Variants in TCEA1 observed in about 807,000 individuals in gnomAD.
TCEA1 encodes transcription elongation factor A1, also known as transcription elongation factor A protein 1.
In TCEA1, 21 loss-of-function variants were observed where a neutral mutation model predicts 43.8. The observed-to-expected ratio is 0.48, with a 90% CI of 0.34 to 0.69. The LOEUF is 0.69. Among genes scored for constraint, TCEA1 ranks in the 30% least tolerant of loss-of-function variants. The pLI is 0.01. For missense variants in TCEA1, 250 were observed against 365.1 expected (o/e 0.68, Z 2.57); for synonymous variants, 104 against 117.5 (o/e 0.88, Z 0.75).
intron 8 of TCEA1, among the ~76,000 whole-genome samples, chr8:53,976,051 G>T (rs1275403664): frequency 6.6e-6 from 1 of 152,072 alleles, no homozygotes; most frequent in Non-Finnish European, 1.5e-5. Context: ...AAACAGAAAG[G>T]TTATTTCTCT....
At chr8:53,980,918 TAA>T (rs1326618613) in intron 7 of TCEA1, among the ~76,000 whole-genome samples, 15 of 152,308 alleles carry the variant, frequency 9.8e-5, no homozygotes, top group Admixed American at 3.9e-4. Flanking sequence ...TGATGGAAAT[TAA>T]AAGTGCTACT....
At chr8:53,974,335 A>G (rs1803259163) in intron 8 of TCEA1, 1 of 152,284 alleles carries the variant, frequency 6.6e-6, no homozygotes, top group African/African-American at 2.4e-5. Context: ...TAAACATAGT[A>G]AAATTTTTCT....
chr8:54,004,342 A>G (rs1303521269), intron 2 of TCEA1, among the ~76,000 whole-genome samples: 2 of 152,262 alleles, frequency 1.3e-5, no homozygotes, highest in East Asian at 3.8e-4. Context: ...AAACACGCAT[A>G]GCAGTGTGAT....
intron 1 of TCEA1, among the ~76,000 whole-genome samples, chr8:54,018,694 G>C (rs1804922143): frequency 6.6e-6 from 1 of 152,138 alleles, no homozygotes; most frequent in African/African-American, 2.4e-5. Context: ...GGTTCACTGT[G>C]GCTTGGTCAT....
Position 54,022,134 on chromosome 8 carries a change from C to T in TCEA1, c.-9G>A, listed in dbSNP as rs1178218246. 10 of 1,605,906 alleles carry T rather than the reference C, an allele frequency of 6.2e-6. No individual in the cohort carries two copies. The highest frequency in any genetic ancestry group is 8.5e-6 in the Non-Finnish European group (10 of 1,177,114). ...ACCACTTCGTCCTCCATGGCTCCGG[C>T]AGGTCTTCTCCGCGCCCACCCCGCT... On this transcript the variant is annotated 5_prime_UTR_variant, in exon 1 of 10. Transcript: ENST00000521604.
intron 1 of TCEA1, among the ~76,000 whole-genome samples, chr8:54,014,162 G>A (rs759376557): frequency 2.6e-5 from 4 of 152,196 alleles, no homozygotes; most frequent in Admixed American, 6.5e-5. Context: ...CATACTGACG[G>A]GTAGTAAGGT....
chr8:54,015,893 G>A (rs1429913478), intron 1 of TCEA1, among the ~76,000 whole-genome samples: 1 of 152,108 alleles, frequency 6.6e-6, no homozygotes. Flanking sequence ...TTTCTCCATA[G>A]AAGATATGCA....
At chr8:53,975,618 A>T (rs1043133570) in intron 8 of TCEA1, among the ~76,000 whole-genome samples, 1 of 152,230 alleles carries the variant, frequency 6.6e-6, no homozygotes, top group Non-Finnish European at 1.5e-5. Context: ...ATATTATGCT[A>T]AGTGAAATAG....
chr8:53,974,538 TG>T (rs1207130623), intron 8 of TCEA1, among the ~76,000 whole-genome samples: 519 of 6,346 alleles, frequency 0.082, 1 homozygote, highest in Middle Eastern at 0.31. Flanking sequence ...GGGGTGGGGG[TG>T]GGGGGGGGAC....
chr8:54,021,838 C>G, intron 1 of TCEA1: 1 of 397,040 alleles, frequency 2.5e-6, no homozygotes, highest in Non-Finnish European at 4.4e-6. Context: ...ACGGCACCAG[C>G]GAGCAGGGAC....
intron 7 of TCEA1, among the ~76,000 whole-genome samples, chr8:53,982,885 T>C (rs562078973): frequency 1.3e-4 from 20 of 152,370 alleles, no homozygotes; most frequent in African/African-American, 4.8e-4. Flanking sequence ...GCAGCAGCAT[T>C]TGACAGCACT....
chr8:53,999,868 T>A, intron 3 of TCEA1, 77 bp downstream of exon 3: 1 of 1,030,036 alleles, frequency 9.7e-7, no homozygotes, highest in Non-Finnish European at 1.5e-6. Context: ...AACCATTAAC[T>A]AACCATAAAA....
intron 4 of TCEA1, among the ~76,000 whole-genome samples, chr8:53,990,006 G>C (rs1803821653): frequency 6.6e-6 from 1 of 152,102 alleles, no homozygotes; most frequent in South Asian, 2.1e-4. Context: ...GAACAGCCCG[G>C]ACAAAATAGT....
In TCEA1 at chr8:53,967,917, T is replaced by C. The variant is rs1268497104; in HGVS notation, c.*187A>G. 1 of 442,988 alleles carries C rather than the reference T, an allele frequency of 2.3e-6. No homozygotes were observed. The highest frequency in any genetic ancestry group is 4.2e-6 in the Non-Finnish European group (1 of 239,418). The allele number at this position is 442,988 out of a possible 1,614,324, so 27.4% of individuals were successfully genotyped here. On this transcript the variant is annotated 3_prime_UTR_variant, in exon 10 of 10. Transcript: ENST00000521604. Reference sequence around the variant, plus strand: ...TGAAACAGGTACCATAAAATTATTATATGGTCTCCCTACTGATCTGAAACT... The same window carrying C: ...TGAAACAGGTACCATAAAATTATTACATGGTCTCCCTACTGATCTGAAACT...
chr8:53,989,748 A>T (rs1205063282), intron 4 of TCEA1, among the ~76,000 whole-genome samples: 3 of 151,770 alleles, frequency 2.0e-5, no homozygotes, highest in African/African-American at 4.9e-5. Flanking sequence ...AAACCCATTT[A>T]TTATTTTTTT....
At chr8:54,013,591 G>A (rs1437789675) in intron 1 of TCEA1, among the ~76,000 whole-genome samples, 1 of 138,504 alleles carries the variant, frequency 7.2e-6, no homozygotes, top group East Asian at 2.5e-4. Flanking sequence ...TGAGGCAGGA[G>A]AATCACTTGA....
Position 53,993,403 on chromosome 8 carries a change from G to C in TCEA1, c.320+265C>G, listed in dbSNP as rs1803943812. 3.7e-5 allele frequency: 10 copies of C among 267,780 alleles called. 1 individual carries two copies. In the South Asian group the frequency reaches 1.0e-3, roughly 28 times the overall value. The allele number at this position is 267,780 out of a possible 1,614,324, so 16.6% of individuals were successfully genotyped here. A position where few individuals can be genotyped will look rare whatever the true frequency, so the allele number is the denominator to read the frequency against. On this transcript the variant is annotated intron_variant, in intron 4 of 9. Coordinates refer to ENST00000521604, the MANE Select transcript of TCEA1 (RefSeq NM_006756.4). ...ACTACCTCCATTATCAATTCCATCA[G>C]TGCCTACCCCAGCAATCCCATTCAA... is the stretch of plus-strand genomic sequence containing the variant.
intron 3 of TCEA1, among the ~76,000 whole-genome samples, chr8:53,994,324 A>T (rs922708677): frequency 1.3e-4 from 20 of 152,340 alleles, no homozygotes; most frequent in African/African-American, 4.1e-4. Context: ...CAGCCCAGGC[A>T]ATAGAGCCAG....
At chr8:53,993,348 T>C (rs1210026950) in intron 4 of TCEA1, 2 of 179,910 alleles carry the variant, frequency 1.1e-5, no homozygotes, top group African/African-American at 2.4e-5. Flanking sequence ...ATGTGGTAAA[T>C]AGAGGAAGCA....
Sources: gnomAD v4.1 joint callset for allele counts (sites outside exome capture counted in the v4.1 genomes callset) on GRCh38, gnomAD v4.1.1 for gene constraint, MANE v1.5 for transcripts, NCBI Gene and HGNC (gene_info 2026-07-23, HGNC 2026-07-21) for gene names.